Variants in IL34 observed in about 807,000 individuals in gnomAD.
IL34 encodes the protein interleukin 34.
In IL34, 17 loss-of-function variants were observed where a neutral mutation model predicts 25.3. The observed-to-expected ratio is 0.67, with a 90% confidence interval of 0.46 to 1.01. The LOEUF (loss-of-function observed/expected upper bound fraction) is 1.01. Among genes scored for constraint, IL34 ranks in the 50% least tolerant of loss-of-function variants. The probability of loss-of-function intolerance (pLI) is 0.00; values close to 1 mark genes in which losing one functional copy is unlikely to be tolerated. For synonymous variants in IL34, 174 were observed against 140.9 expected, an observed-to-expected ratio of 1.23 and a Z score of -1.66; for missense variants, 368 against 312.9, an observed-to-expected ratio of 1.18 and a Z score of -1.33.
upstream of IL34, among the ~76,000 whole-genome samples, chr16:70,642,320 C>T (rs1439508005): frequency 1.5e-4 from 18 of 121,568 alleles, no homozygotes; most frequent in South Asian, 5.2e-4. Flanking sequence ...TTTTTTGAGA[C>T]GGAGTCTCAC....
intron 4 of IL34, 42 bp downstream of exon 4, chr16:70,657,163 G>GTA: frequency 6.3e-7 from 1 of 1,582,066 alleles, no homozygotes; most frequent in Non-Finnish European, 8.6e-7. Flanking sequence ...GTGTGTGTGT[G>GTA]CACACGTGTG....
chr16:70,624,034 T>C lies in IL34; in HGVS notation c.-400-22514T>C, dbSNP rs144046198. ...GTGATGGTCTACGGGGCTTTCGAGG[T>C]GATCAGGCAGCGTCAGTCTTCAGCC... On this transcript the variant is annotated intron_variant, in intron 1 of 6. Transcript: ENST00000429149. Among the ~76,000 whole-genome samples the C allele has an allele frequency of 6.0e-3, 917 of 151,940 alleles. 7 individuals are homozygous for C. The highest frequency in any genetic ancestry group is 0.017 in the Middle Eastern group (5 of 294).
chr16:70,602,342 C>G (rs1567440508), intron 1 of IL34, among the ~76,000 whole-genome samples: 1 of 152,114 alleles, frequency 6.6e-6, no homozygotes, highest in Non-Finnish European at 1.5e-5. Context: ...GAAAAGTTGC[C>G]AAACTTTCTG....
intron 1 of IL34, among the ~76,000 whole-genome samples, chr16:70,639,355 G>T (rs2051728369): frequency 6.6e-6 from 1 of 152,328 alleles, no homozygotes; most frequent in Middle Eastern, 3.4e-3. Flanking sequence ...GCAGAGGCCA[G>T]AAATAGGAGG....
At chr16:70,611,413 G>T (rs1005222208) in intron 1 of IL34, among the ~76,000 whole-genome samples, 9 of 152,092 alleles carry the variant, frequency 5.9e-5, no homozygotes, top group African/African-American at 2.2e-4. Context: ...TTCTACACCT[G>T]CAGGGGGGCC....
chr16:70,653,069 A>G (rs1000933269), intron 1 of IL34, among the ~76,000 whole-genome samples: 1 of 152,126 alleles, frequency 6.6e-6, no homozygotes, highest in Admixed American at 6.6e-5. Flanking sequence ...GGCCGGGTGT[A>G]GTAGCCCCTG....
At chr16:70,647,432 C>T (rs2051967372) in intron 1 of IL34, among the ~76,000 whole-genome samples, 1 of 152,284 alleles carries the variant, frequency 6.6e-6, no homozygotes, top group Non-Finnish European at 1.5e-5. Context: ...TCCAACCCTC[C>T]CTCCATAACA....
At chr16:70,615,147 T>C (rs1287074579) in intron 1 of IL34, among the ~76,000 whole-genome samples, 1 of 152,220 alleles carries the variant, frequency 6.6e-6, no homozygotes, top group African/African-American at 2.4e-5. Context: ...TTTTTGCAAC[T>C]TATTTTACTA....
At chr16:70,656,158 C>T (rs2151883153) in intron 2 of IL34, among the ~76,000 whole-genome samples, 1 of 152,284 alleles carries the variant, frequency 6.6e-6, no homozygotes, top group Middle Eastern at 3.4e-3. Context: ...GTTTTTATCC[C>T]AGCTGGGAGC....
At chr16:70,620,526 G>A (rs2051258907) in intron 1 of IL34, among the ~76,000 whole-genome samples, 1 of 152,112 alleles carries the variant, frequency 6.6e-6, no homozygotes, top group Non-Finnish European at 1.5e-5. Flanking sequence ...GGAGAGGTCA[G>A]ATGGGTCTGT....
chr16:70,593,996 G>A (rs975868601), intron 1 of IL34, among the ~76,000 whole-genome samples: 5 of 152,122 alleles, frequency 3.3e-5, no homozygotes, highest in South Asian at 2.1e-4. Context: ...CTATTTGTCT[G>A]TTCTTTCACC....
intron 1 of IL34, among the ~76,000 whole-genome samples, chr16:70,653,436 C>A (rs1411136817): frequency 6.6e-6 from 1 of 150,774 alleles, no homozygotes; most frequent in African/African-American, 2.4e-5. Context: ...CAGTGGCTCA[C>A]ACCTATAATC....
upstream of IL34, among the ~76,000 whole-genome samples, chr16:70,643,808 C>T (rs951709814): frequency 7.0e-6 from 1 of 142,386 alleles, no homozygotes; most frequent in African/African-American, 3.0e-5. Context: ...TATATGAAAT[C>T]ATATTAAAGA....
intron 1 of IL34, among the ~76,000 whole-genome samples, chr16:70,639,559 G>C (rs1461476511): frequency 1.3e-5 from 2 of 152,196 alleles, no homozygotes; most frequent in African/African-American, 4.8e-5. Context: ...AAAGAGTGGA[G>C]TGCAGTTGTC....
intron 1 of IL34, among the ~76,000 whole-genome samples, chr16:70,625,963 G>A (rs2051384125): frequency 6.6e-6 from 1 of 152,212 alleles, no homozygotes; most frequent in African/African-American, 2.4e-5. Context: ...CAGGAGGACA[G>A]GGGATTGATC....
At chr16:70,624,641 G>GAGCA (rs1204190240) in intron 1 of IL34, among the ~76,000 whole-genome samples, 2 of 152,100 alleles carry the variant, frequency 1.3e-5, no homozygotes, top group Non-Finnish European at 2.9e-5. Context: ...AAAGAAAAAG[G>GAGCA]AGCATTCACC....
chr16:70,644,794 AGGG>A (rs2051871446), upstream of IL34, among the ~76,000 whole-genome samples: 1 of 131,556 alleles, frequency 7.6e-6, no homozygotes, highest in Admixed American at 7.7e-5. Context: ...GAAAAGGAGG[AGGG>A]AGGAGGAATG....
chr16:70,594,866 G>A (rs2050797632), intron 1 of IL34, among the ~76,000 whole-genome samples: 1 of 151,910 alleles, frequency 6.6e-6, no homozygotes, highest in South Asian at 2.1e-4. Flanking sequence ...GTCTACTCTG[G>A]GCAGATTCAT....
intron 1 of IL34, among the ~76,000 whole-genome samples, chr16:70,622,174 C>G (rs1307437878): frequency 6.6e-6 from 1 of 152,038 alleles, no homozygotes; most frequent in African/African-American, 2.4e-5. Flanking sequence ...GGAATTATGT[C>G]TGACAAAAGG....
Sources: gnomAD v4.1 joint callset for allele counts (sites outside exome capture counted in the v4.1 genomes callset) on GRCh38, gnomAD v4.1.1 for gene constraint, MANE v1.5 for transcripts, NCBI Gene and HGNC (gene_info 2026-07-23, HGNC 2026-07-21) for gene names.